The following GTPBP1 variants were observed in gnomAD, a reference collection of about 807,000 sequenced individuals.
GTPBP1 encodes GTP-binding protein 1.
A neutral mutation model predicts 62.0 loss-of-function variants in GTPBP1; 23 were observed. That is an observed-to-expected ratio of 0.37 (90% CI 0.27 to 0.53). The LOEUF (loss-of-function observed/expected upper bound fraction) is 0.53, where lower values mean the gene tolerates loss of function less well. Ranked by LOEUF, GTPBP1 falls within the 20% of genes least tolerant of loss-of-function variation. GTPBP1 has a pLI of 0.89. For synonymous variants in GTPBP1, 344 were observed against 364.4 expected, an observed-to-expected ratio of 0.94 and a Z score of 0.64; for missense variants, 640 against 917.3, an observed-to-expected ratio of 0.70 and a Z score of 3.90.
chr22:38,728,136 C>T lies in GTPBP1; in HGVS notation c.1691C>T (p.Thr564Ile). ...CGGCTGGTGTTCCGGGAAGGCCGCA[C>T]CAAGGCTGTCGGCACCATCACCAAG... ...DQRLVFREGR[T>I]KAVGTITKLL... Residue 564 changes from threonine to isoleucine, a missense_variant, in exon 10 of 12, where the codon ACC becomes ATC. By Grantham distance (89) the Thr-to-Ile change is moderately conservative (BLOSUM62 -1). Around this residue, in one of 4 missense-constraint regions of GTPBP1, gnomAD observed 220 missense variants for 358.1 expected, o/e 0.61. Coordinates refer to ENST00000216044, the MANE Select transcript of GTPBP1 (RefSeq NM_004286.5). 3 of 1,613,694 alleles carry T rather than the reference C, an allele frequency of 1.9e-6. No homozygotes were observed. Among genetic ancestry groups the T allele is most frequent in the Non-Finnish European group, 2.5e-6 (3 of 1,179,676 alleles).
At chr22:38,729,393 T>G (rs943986137) in intron 10 of GTPBP1, 69 bp from the exon 11 acceptor site, 2 of 1,164,288 alleles carry the variant, frequency 1.7e-6, no homozygotes, top group Non-Finnish European at 1.2e-6. Flanking sequence ...GGGCTGAGGG[T>G]GGGGGGTAGC....
chr22:38,729,942 C>G (rs1569286539), intron 11 of GTPBP1, among the ~76,000 whole-genome samples: 1 of 152,232 alleles, frequency 6.6e-6, no homozygotes, highest in African/African-American at 2.4e-5. Context: ...GTCGAAGCTT[C>G]CCTTTCATAG....
chr22:38,735,541 G>A (rs542862478), downstream of GTPBP1: 22 of 243,788 alleles, frequency 9.0e-5, 1 homozygote, highest in East Asian at 1.3e-3. Flanking sequence ...CCTAGCATCA[G>A]GAGAGAGAAA....
rs369281526 is a variant in GTPBP1 at position 38,727,259 on chromosome 22, G to A, written c.1448G>A (p.Arg483His). The A allele has an allele frequency of 2.2e-5, 36 of 1,602,610 alleles. No individual in the cohort carries two copies. The highest frequency in any genetic ancestry group is 9.2e-5 in the East Asian group (4 of 43,254). Reference protein sequence around the residue: ...IRKGMVMVSPRLNPQASWEFE... With the variant: ...IRKGMVMVSPHLNPQASWEFE... ...AAGGGCATGGTGATGGTTTCCCCAC[G>A]TTTGAATCCCCAAGCCTCCTGGGAG... Residue 483 changes from arginine to histidine, a missense_variant, in exon 9 of 12, where the codon CGT becomes CAT. Around this residue, in one of 4 missense-constraint regions of GTPBP1, gnomAD observed 220 missense variants for 358.1 expected, o/e 0.61. Coordinates refer to ENST00000216044, the MANE Select transcript of GTPBP1 (RefSeq NM_004286.5). This position sits in a 1 kb window ranked among gnomAD's most constrained non-coding sequence, Gnocchi z 6.5.
chr22:38,721,608 C>G, intron 4 of GTPBP1, 134 bp from the exon 5 acceptor site: 1 of 667,732 alleles, frequency 1.5e-6, no homozygotes, highest in Non-Finnish European at 2.5e-6. Context: ...TGACGCCCCA[C>G]ATCATCGAGT....
chr22:38,739,667 C>T, downstream of GTPBP1: 2 of 1,582,888 alleles, frequency 1.3e-6, no homozygotes, highest in African/African-American at 1.3e-5. This position sits in a 1 kb window ranked among gnomAD's most constrained non-coding sequence, Gnocchi z 6.7. Context: ...CTGTCCAGGG[C>T]TCCCAGGGAG....
chr22:38,716,099 G>A lies in GTPBP1; in HGVS notation c.485+12G>A, dbSNP rs1437022749. 3.2e-6 allele frequency: 5 copies of A among 1,566,096 alleles called. No homozygotes were observed. The highest frequency in any genetic ancestry group is 2.4e-5 in the East Asian group (1 of 41,642). On this transcript the variant is annotated intron_variant, in intron 3 of 11. Transcript: ENST00000216044. This position sits in a 1 kb window ranked among gnomAD's most constrained non-coding sequence, Gnocchi z 5.2. ...TTCCTGGAGGTCAGGTGAGGAGGCC[G>A]CGGGACATTTTGGGGTCCCCATTCT...
At chr22:38,723,854 T>C (rs1394498356) in intron 5 of GTPBP1, among the ~76,000 whole-genome samples, 13 of 152,212 alleles carry the variant, frequency 8.5e-5, no homozygotes, top group Admixed American at 8.5e-4. Flanking sequence ...CTGCTAAAGA[T>C]TGTAGAAAAG....
downstream of GTPBP1, chr22:38,734,656 G>T (rs2092785229): frequency 5.1e-6 from 1 of 197,826 alleles, no homozygotes; most frequent in Non-Finnish European, 1.1e-5. Flanking sequence ...GTTTGGCCAA[G>T]AATTCATTCC....
At chr22:38,735,342 C>T (rs1017577659), downstream of GTPBP1, 9 of 423,858 alleles carry the variant, frequency 2.1e-5, no homozygotes, top group South Asian at 3.3e-5. Flanking sequence ...AGACAGACCT[C>T]GCACCCCGAT....
intron 5 of GTPBP1, 99 bp downstream of exon 5, chr22:38,721,964 C>A: frequency 1.4e-6 from 1 of 733,492 alleles, no homozygotes; most frequent in Non-Finnish European, 2.0e-6. Context: ...CCAGAAACTT[C>A]TTTTCTTTTT....
At chr22:38,713,346 G>A (rs115663988) in intron 2 of GTPBP1, among the ~76,000 whole-genome samples, 2,205 of 152,206 alleles carry the variant, frequency 0.014, 23 homozygotes, top group South Asian at 0.039. Context: ...TTGAAGTGAC[G>A]GCGTCAGAGT....
At chr22:38,728,622 C>T (rs2092739464) in intron 10 of GTPBP1, 1 of 175,200 alleles carries the variant, frequency 5.7e-6, no homozygotes. Context: ...CTTGGAGGGG[C>T]ATTTGATAGA....
chr22:38,736,451 G>T, downstream of GTPBP1: 1 of 1,339,662 alleles, frequency 7.5e-7, no homozygotes, highest in South Asian at 1.4e-5. Context: ...AGGTGGGAAG[G>T]GGAGACAGCC....
In GTPBP1 at chr22:38,716,357, A is replaced by G; in HGVS notation, c.485+270A>G. The G allele has an allele frequency of 5.1e-6, 3 of 585,208 alleles. No individual in the cohort carries two copies. Among genetic ancestry groups the G allele is most frequent in the Non-Finnish European group, 9.1e-6 (3 of 329,964 alleles). 36.3% of individuals were successfully genotyped at this position (585,208 alleles called of 1,614,324 possible). Reference sequence around the variant, plus strand: ...GCCTGTGAGCCTGGAAACCAGGGTCATGGAGAAGAGCCTTTTGTGCCTCTG... The same window carrying G: ...GCCTGTGAGCCTGGAAACCAGGGTCGTGGAGAAGAGCCTTTTGTGCCTCTG... On this transcript the variant is annotated intron_variant, in intron 3 of 11. Transcript: ENST00000216044. The surrounding 1 kb of genome is among the most constrained non-coding windows in gnomAD (Gnocchi z 5.2).
chr22:38,720,305 C>T (rs533294812), intron 4 of GTPBP1, among the ~76,000 whole-genome samples: 38 of 151,732 alleles, frequency 2.5e-4, no homozygotes, highest in Non-Finnish European at 5.3e-4. Flanking sequence ...CTGCAACCTC[C>T]GCCTCCTTGG....
downstream of GTPBP1, chr22:38,742,692 C>T (rs376743620): frequency 1.3e-5 from 15 of 1,188,136 alleles, no homozygotes; most frequent in Admixed American, 2.9e-5. Flanking sequence ...CATGCAGGGC[C>T]GGCTGGAGCT....
intron 2 of GTPBP1, among the ~76,000 whole-genome samples, chr22:38,712,388 G>A (rs973392447): frequency 1.3e-5 from 2 of 152,164 alleles, no homozygotes; most frequent in African/African-American, 4.8e-5. Flanking sequence ...AGAGTATGAG[G>A]TCCTGAGTGG....
chr22:38,706,005 C>T lies in GTPBP1; in HGVS notation c.50C>T (p.Ser17Phe). Residue 17 changes from serine to phenylalanine, a missense_variant, in exon 1 of 12, where the codon TCT (serine) becomes TTT (phenylalanine). By Grantham distance (155) the Ser-to-Phe change is radical (BLOSUM62 -2). Around this residue, in one of 4 missense-constraint regions of GTPBP1, gnomAD observed 215 missense variants for 235.1 expected, o/e 0.91. Coordinates refer to ENST00000216044, the MANE Select transcript of GTPBP1 (RefSeq NM_004286.5). The stretch of plus-strand genomic sequence containing the variant: ...GCGATGGACTCGCCGGTCCCGGCCT[C>T]TATGTTCGCCCCCGAGCCCAGCTCC... ...RSAMDSPVPASMFAPEPSSPG... is the reference protein window; with the variant it reads ...RSAMDSPVPAFMFAPEPSSPG... The T allele has an allele frequency of 1.4e-6, 2 of 1,458,526 alleles. No individual in the cohort carries two copies. The highest frequency in any genetic ancestry group is 1.3e-5 in the South Asian group (1 of 77,964). The allele number at this position is 1,458,526 out of a possible 1,614,324, so 90.3% of individuals were successfully genotyped here.
Sources: gnomAD v4.1 joint callset for allele counts (sites outside exome capture counted in the v4.1 genomes callset) on GRCh38, gnomAD v4.1.1 for gene constraint, gnomAD v4.1.1 regional missense constraint, Gnocchi (gnomAD v3.1) non-coding constraint, MANE v1.5 for transcripts, NCBI Gene and HGNC (gene_info 2026-07-23, HGNC 2026-07-21) for gene names.